TIMP3: variants seen among roughly 807,000 people sequenced by gnomAD.
TIMP3 encodes TIMP metallopeptidase inhibitor 3.
Under a neutral mutation model 30.0 loss-of-function variants are expected in TIMP3, and 11 were observed. The ratio of observed to expected loss-of-function variants is 0.37; its 90% CI spans 0.23 to 0.61. The LOEUF is 0.61. TIMP3 is among the 20% of genes least tolerant of loss of function. The pLI, the probability that TIMP3 is intolerant of heterozygous loss-of-function variation, is 0.70. For missense variants in TIMP3, 181 were observed against 276.8 expected (o/e 0.65, Z 2.45); for synonymous variants, 112 against 111.3 (o/e 1.01, Z -0.04).
In TIMP3 at chr22:32,801,789, G is replaced by GGCCGCCCGCCGAGTC. The variant is rs564293460; in HGVS notation, c.-212_-198dup. On this transcript the variant is annotated 5_prime_UTR_variant, in exon 1 of 5. Transcript: ENST00000266085. The surrounding 1 kb of genome is among the most constrained non-coding windows in gnomAD (Gnocchi z 4.7). ...TCCAGCTCCTGCTCCTTCGCCGGGA[G>GGCCGCCCGCCGAGTC]GCCGCCCGCCGAGTCCTGCGCCAGC... 5.4e-3 allele frequency: 2,059 copies of GGCCGCCCGCCGAGTC among 378,804 alleles called. 4 individuals are homozygous for GGCCGCCCGCCGAGTC. The highest frequency in any genetic ancestry group is 9.1e-3 in the Middle Eastern group (10 of 1,100). 23.5% of individuals were successfully genotyped at this position (378,804 alleles called of 1,614,324 possible).
chr22:32,810,291 C>T lies in TIMP3; in HGVS notation c.121+8169C>T, dbSNP rs572073013. Among the ~76,000 whole-genome samples, 3 of 152,320 alleles carry T rather than the reference C, an allele frequency of 2.0e-5. No homozygotes were observed. In the South Asian group the frequency reaches 6.2e-4, roughly 32 times the overall value. On this transcript the variant is annotated intron_variant, in intron 1 of 4. Transcript: ENST00000266085. ...TGTGGCTAGGATGGCTTTGCTGTCA[C>T]AGAAGGGACAGTCCACACTACCCAA...
chr22:32,831,328 C>A (rs1359503361), intron 1 of TIMP3, among the ~76,000 whole-genome samples: 1 of 152,066 alleles, frequency 6.6e-6, no homozygotes, highest in Non-Finnish European at 1.5e-5. Flanking sequence ...TTGAAGGGAC[C>A]CAGAGAAGAG....
chr22:32,849,837 G>A (rs1363192120), intron 2 of TIMP3, among the ~76,000 whole-genome samples: 1 of 152,088 alleles, frequency 6.6e-6, no homozygotes, highest in Non-Finnish European at 1.5e-5. Context: ...TGAGACCTTG[G>A]TCAAGTCACT....
At chr22:32,805,257 C>T (rs932919348) in intron 1 of TIMP3, among the ~76,000 whole-genome samples, 6 of 152,086 alleles carry the variant, frequency 3.9e-5, no homozygotes, top group African/African-American at 1.4e-4. Flanking sequence ...GGCTGCCAGC[C>T]CCAGAGGATG....
chr22:32,826,961 A>G (rs2047431705), intron 1 of TIMP3, among the ~76,000 whole-genome samples: 1 of 152,226 alleles, frequency 6.6e-6, no homozygotes, highest in South Asian at 2.1e-4. Context: ...CTCCAGCTCC[A>G]AACCCCAGCT....
chr22:32,836,711 G>A (rs1349885776), intron 1 of TIMP3, among the ~76,000 whole-genome samples: 4 of 152,124 alleles, frequency 2.6e-5, no homozygotes, highest in African/African-American at 9.7e-5. Flanking sequence ...GGGGACACCC[G>A]CTGCAGCAGG....
At chr22:32,803,021 C>T (rs1163128286) in intron 1 of TIMP3, among the ~76,000 whole-genome samples, 2 of 152,206 alleles carry the variant, frequency 1.3e-5, no homozygotes, top group African/African-American at 4.8e-5. Flanking sequence ...CGAGAGCATC[C>T]TGGGAGGCTT....
intron 1 of TIMP3, among the ~76,000 whole-genome samples, chr22:32,814,181 AAAAG>A (rs148074968): frequency 0.87 from 95,439 of 109,478 alleles, 41,634 homozygotes; most frequent in Middle Eastern, 0.91. Context: ...AGAAAGAAAG[AAAAG>A]AAAGAAAGAA....
intron 3 of TIMP3, among the ~76,000 whole-genome samples, chr22:32,857,659 G>A (rs1270965924): frequency 1.3e-5 from 2 of 152,160 alleles, no homozygotes; most frequent in African/African-American, 4.8e-5. Flanking sequence ...CACTCGACCT[G>A]TTAGGCCCGT....
intron 1 of TIMP3, among the ~76,000 whole-genome samples, chr22:32,839,237 A>G (rs1319645330): frequency 1.3e-5 from 2 of 152,108 alleles, no homozygotes; most frequent in Non-Finnish European, 2.9e-5. Context: ...AATCCTGTAG[A>G]TACTGCAAAC....
chr22:32,818,740 G>T (rs1040813792), intron 1 of TIMP3, among the ~76,000 whole-genome samples: 1 of 152,156 alleles, frequency 6.6e-6, no homozygotes, highest in Non-Finnish European at 1.5e-5. Context: ...GCCGGCCTAG[G>T]GGGAAAGTCT....
rs1555971880 is a variant in TIMP3 at position 32,820,259 on chromosome 22, TGTGC to T, written c.121+18143_121+18146del. ...TTTCTCCCCTGTGTGTGTGTGTGTG[TGTGC>T]GTGCGCGTGTGTGTGTGTGTGTGTG... On this transcript the variant is annotated intron_variant, in intron 1 of 4. Coordinates refer to ENST00000266085, the MANE Select transcript of TIMP3 (RefSeq NM_000362.5). Among the ~76,000 whole-genome samples the T allele has an allele frequency of 2.0e-5, 3 of 149,040 alleles. No individual in the cohort carries two copies. In the South Asian group the frequency reaches 6.7e-4, roughly 33 times the overall value.
intron 1 of TIMP3, among the ~76,000 whole-genome samples, chr22:32,814,213 AGAAAG>A (rs572905453): frequency 7.0e-4 from 102 of 144,874 alleles, no homozygotes; most frequent in African/African-American, 2.6e-3. Context: ...AAGAAAACAA[AGAAAG>A]GAAAGAAAGA....
At chr22:32,857,001 T>TC (rs2048387921) in intron 2 of TIMP3, among the ~76,000 whole-genome samples, 1 of 152,256 alleles carries the variant, frequency 6.6e-6, no homozygotes, top group Non-Finnish European at 1.5e-5. Context: ...CATTCTTTTT[T>TC]CTGGATGAAT....
chr22:32,861,031 A>G lies in TIMP3; in HGVS notation c.*1654A>G, dbSNP rs190233595. The G allele has an allele frequency of 5.3e-5, 8 of 152,254 alleles. No homozygotes were observed. In the East Asian group the frequency reaches 7.7e-4, roughly 15 times the overall value. The allele number at this position is 152,254 out of a possible 1,614,324, so 9.4% of individuals were successfully genotyped here. On this transcript the variant is annotated 3_prime_UTR_variant, in exon 5 of 5. Transcript: ENST00000266085. ...GAGTAGGTGATAATGTATATTTTACAGAGTGGGGGTTGGCAGGATGGTGAC... is the reference window on the plus strand; with the variant it reads ...GAGTAGGTGATAATGTATATTTTACGGAGTGGGGGTTGGCAGGATGGTGAC...
chr22:32,806,773 T>C (rs2145958852), intron 1 of TIMP3, among the ~76,000 whole-genome samples: 1 of 148,022 alleles, frequency 6.8e-6, no homozygotes, highest in Non-Finnish European at 1.5e-5. Context: ...TCCATTTCTA[T>C]TTATCATTTA....
intron 1 of TIMP3, among the ~76,000 whole-genome samples, chr22:32,814,180 GAAA>G (rs869082026): frequency 3.5e-5 from 2 of 56,732 alleles, no homozygotes; most frequent in South Asian, 6.0e-4. Flanking sequence ...GAGAAAGAAA[GAAA>G]AGAAAGAAAG....
chr22:32,808,209 T>C (rs1336043865), intron 1 of TIMP3, among the ~76,000 whole-genome samples: 2 of 152,228 alleles, frequency 1.3e-5, no homozygotes, highest in African/African-American at 4.8e-5. Flanking sequence ...AGGACTTACA[T>C]GGACTCAGGT....
intron 1 of TIMP3, chr22:32,833,865 C>T (rs377515715): frequency 6.0e-6 from 3 of 500,380 alleles, no homozygotes; most frequent in Non-Finnish European, 1.2e-5. Flanking sequence ...ATGGAAAGTG[C>T]CTGATAGCTG....
Sources: allele counts gnomAD v4.1 joint callset (sites outside exome capture counted in the v4.1 genomes callset), GRCh38; gene constraint gnomAD v4.1.1; non-coding constraint Gnocchi (gnomAD v3.1); transcripts MANE v1.5; gene names NCBI Gene and HGNC (gene_info 2026-07-23, HGNC 2026-07-21).